DOCK1: variants seen among roughly 807,000 people sequenced by gnomAD.
DOCK1 encodes the protein dedicator of cytokinesis 1.
Under a neutral mutation model 262.7 loss-of-function variants are expected in DOCK1, and 138 were observed. The ratio of observed to expected loss-of-function variants is 0.53; its 90% CI spans 0.46 to 0.61. The LOEUF is 0.61. Ranked by LOEUF, DOCK1 falls within the 20% of genes least tolerant of loss-of-function variation. DOCK1 has a pLI of 0.00. For synonymous variants in DOCK1, 866 were observed against 867.4 expected (o/e 1.00, Z 0.03); for missense variants, 1,908 against 2,370.7 (o/e 0.80, Z 4.05).
In DOCK1 at chr10:127,257,352, A is replaced by G. The variant is rs376967109; in HGVS notation, c.2967A>G (p.Thr989=). ...RTDVVDFLME[T]FIMFKNLIGK... ...TATTTCAGGATTTCCTAATGGAAAC[A>G]TTCATCATGTTTAAGAACCTCATTG... Residue 989 remains threonine, a synonymous_variant, in exon 29 of 52, where the codon ACA becomes ACG. Coordinates refer to ENST00000623213, the MANE Select transcript of DOCK1 (RefSeq NM_001290223.2). 14 of 1,600,946 alleles carry G rather than the reference A, an allele frequency of 8.7e-6. No individual in the cohort carries two copies. The African/African-American group carries it at 1.9e-4, about 21-fold the overall frequency.
At position 127,339,651 on chromosome 10, in the gene DOCK1, G is replaced by A. The variant is rs77230490; in HGVS notation, c.3123+567G>A. Among the ~76,000 whole-genome samples the A allele has an allele frequency of 2.8e-4, 41 of 145,482 alleles. No individual in the cohort carries two copies. In the East Asian group the frequency reaches 5.0e-3, roughly 18 times the overall value. ...TGTGTGTGTGTGTGTGTGTGTGTGC[G>A]CGCGCGCATGCATGCTGTAAGGATT... is the stretch of plus-strand genomic sequence containing the variant. On this transcript the variant is annotated intron_variant, in intron 30 of 51. Transcript: ENST00000623213.
chr10:126,946,216 C>T (rs1164063628), intron 1 of DOCK1, among the ~76,000 whole-genome samples: 2 of 152,268 alleles, frequency 1.3e-5, no homozygotes, highest in Middle Eastern at 3.4e-3. Flanking sequence ...GTTTCCAAGA[C>T]TTTCACCGTC....
chr10:126,908,142 G>T (rs1261688744), intron 1 of DOCK1, among the ~76,000 whole-genome samples: 1 of 151,220 alleles, frequency 6.6e-6, no homozygotes, highest in Non-Finnish European at 1.5e-5. Context: ...GGTGGGAGGG[G>T]AGCTGAGCAT....
At chr10:127,252,613 A>T in intron 28 of DOCK1, among the ~76,000 whole-genome samples, 1 of 150,904 alleles carries the variant, frequency 6.6e-6, no homozygotes, top group Non-Finnish European at 1.5e-5. Flanking sequence ...ATGGCTAGCC[A>T]GTTTTCCCAG....
rs986724612 is a variant in DOCK1, at chr10:127,196,714, GGAGGAGGAGGAA to G, written c.2848-51282_2848-51271del. ...CCCTCCCGCCGCCGCCAGAGCTGGA[GGAGGAGGAGGAA>G]GAGGAGGAGGAGGTGGAAGGAGCTG... On this transcript the variant is annotated intron_variant, in intron 27 of 51. Transcript: ENST00000623213. Among the ~76,000 whole-genome samples the G allele has an allele frequency of 9.1e-5, 9 of 99,242 alleles. No homozygotes were observed. In the East Asian group the frequency reaches 3.0e-3, roughly 33 times the overall value. The allele number at this position is 99,242 out of a possible 152,430, so 65.1% of individuals were successfully genotyped here. A position where few individuals can be genotyped will look rare whatever the true frequency, so the allele number is the denominator to read the frequency against.
At chr10:126,989,520 T>G (rs1415116008) in intron 5 of DOCK1, among the ~76,000 whole-genome samples, 1 of 151,802 alleles carries the variant, frequency 6.6e-6, no homozygotes, top group Non-Finnish European at 1.5e-5. Flanking sequence ...AGAGATGAGG[T>G]CTCCTTATGT....
Position 126,990,571 on chromosome 10 carries a change from G to T in DOCK1, c.441G>T (p.Lys147Asn), listed in dbSNP as rs2039718540. ...LPQDELKELK[K>N]KVTAKIDYGN... ...AGGATGAACTCAAAGAACTGAAGAA[G>T]AAGGTCACAGCCAAAATTGATTATG... Residue 147 changes from lysine (K) to asparagine (N), a missense_variant, in exon 6 of 52, where the codon AAG (lysine) becomes AAT (asparagine). Coordinates refer to ENST00000623213, the MANE Select transcript of DOCK1 (RefSeq NM_001290223.2). The T allele has an allele frequency of 6.2e-7, 1 of 1,613,592 alleles. No homozygotes were observed.
At chr10:127,348,151 AAAAT>A (rs1419637844) in intron 31 of DOCK1, among the ~76,000 whole-genome samples, 4 of 151,742 alleles carry the variant, frequency 2.6e-5, no homozygotes, top group Admixed American at 2.6e-4. Flanking sequence ...AGTGTACCAC[AAAAT>A]AAATAACCCC....
chr10:127,350,801 AATCG>A (rs1409132575), intron 31 of DOCK1, among the ~76,000 whole-genome samples: 5 of 152,154 alleles, frequency 3.3e-5, no homozygotes, highest in African/African-American at 1.2e-4. Flanking sequence ...TCACTAAATG[AATCG>A]ATCTAAATGA....
At chr10:127,073,912 A>G (rs1225346128) in intron 23 of DOCK1, among the ~76,000 whole-genome samples, 2 of 152,184 alleles carry the variant, frequency 1.3e-5, no homozygotes, top group African/African-American at 2.4e-5. Flanking sequence ...AGGTGATGGA[A>G]AGGGTAGTTA....
chr10:127,065,361 G>T (rs1157322806), intron 23 of DOCK1, among the ~76,000 whole-genome samples: 1 of 152,146 alleles, frequency 6.6e-6, no homozygotes, highest in Non-Finnish European at 1.5e-5. Context: ...CTACCAGGTG[G>T]TGGCATGTGT....
intron 31 of DOCK1, 36 bp from the exon 32 acceptor site, chr10:127,354,633 G>A (rs1590651972): frequency 1.9e-6 from 3 of 1,613,026 alleles, no homozygotes; most frequent in Non-Finnish European, 2.5e-6. Flanking sequence ...ATGCCTTCCG[G>A]AGTGATTCAG....
chr10:127,030,179 T>C (rs1171176383), intron 16 of DOCK1, among the ~76,000 whole-genome samples: 1 of 152,184 alleles, frequency 6.6e-6, no homozygotes. Context: ...GGATGTGTCA[T>C]TCTCCCTCTC....
Position 127,037,800 on chromosome 10 carries a change from G to A in DOCK1, c.1994G>A (p.Gly665Asp), listed in dbSNP as rs769540835. The change falls in exon 19 of 52, where the codon GGT becomes GAT. Residue 665 changes from glycine to aspartate, a missense_variant. Around this residue, in one of 9 missense-constraint regions of DOCK1, gnomAD observed 294 missense variants for 439.9 expected, o/e 0.67. Coordinates refer to ENST00000623213, the MANE Select transcript of DOCK1 (RefSeq NM_001290223.2). ...TTGAGGCAGCTGATGAAAGTCGATG[G>A]TGGTGAAGTAGTGAAGGTAACATGG... ...QNLRQLMKVD[G>D]GEVVKFLQDT... is the part of the protein sequence containing the mutation. 3.8e-6 allele frequency: 6 copies of A among 1,594,554 alleles called. No individual in the cohort carries two copies. The highest frequency in any genetic ancestry group is 4.3e-6 in the Non-Finnish European group (5 of 1,170,704).
At chr10:127,038,187 C>T (rs547954021) in intron 19 of DOCK1, among the ~76,000 whole-genome samples, 50 of 152,114 alleles carry the variant, frequency 3.3e-4, no homozygotes, top group African/African-American at 1.2e-3. Flanking sequence ...GAGTTGAGAT[C>T]GCACCATTGC....
At chr10:126,994,483 G>A (rs2040024834) in intron 6 of DOCK1, among the ~76,000 whole-genome samples, 1 of 152,176 alleles carries the variant, frequency 6.6e-6, no homozygotes, top group Non-Finnish European at 1.5e-5. Flanking sequence ...CGCAGTGTTT[G>A]TGTCCCTGGG....
In DOCK1 at chr10:127,206,466, A is replaced by C. The variant is rs76757674; in HGVS notation, c.2848-41542A>C. 4.0e-3 allele frequency among the ~76,000 whole-genome samples: 604 copies of C among 152,326 alleles called. 7 individuals carry two copies. Among genetic ancestry groups the C allele is most frequent in the African/African-American group, 0.014 (569 of 41,558 alleles). On this transcript the variant is annotated intron_variant, in intron 27 of 51. Transcript: ENST00000623213. ...GCCTACTGTATATTCTTATATATACATGTGTATAAGAATATGCATTTACTT... is the reference window on the plus strand; with the variant it reads ...GCCTACTGTATATTCTTATATATACCTGTGTATAAGAATATGCATTTACTT...
chr10:127,361,314 C>T (rs532824876), intron 32 of DOCK1, among the ~76,000 whole-genome samples: 2 of 152,036 alleles, frequency 1.3e-5, no homozygotes, highest in African/African-American at 4.8e-5. Context: ...CGGTGTCTCA[C>T]CGTGTTAGCC....
At chr10:126,988,138 A>G (rs971970108) in intron 5 of DOCK1, 1 of 152,372 alleles carries the variant, frequency 6.6e-6, no homozygotes, top group African/African-American at 2.4e-5. Context: ...TTCGTGTGCA[A>G]TTGTCCAGTT....
Sources: gnomAD v4.1 joint callset for allele counts (sites outside exome capture counted in the v4.1 genomes callset) on GRCh38, gnomAD v4.1.1 for gene constraint, gnomAD v4.1.1 regional missense constraint, MANE v1.5 for transcripts, NCBI Gene and HGNC (gene_info 2026-07-23, HGNC 2026-07-21) for gene names.